DLC1: variants seen among roughly 807,000 people sequenced by gnomAD.
The protein encoded by DLC1 is rho GTPase-activating protein 7.
Under a neutral mutation model 140.3 loss-of-function variants are expected in DLC1, and 54 were observed. The ratio of observed to expected loss-of-function variants is 0.38; its 90% CI spans 0.31 to 0.48. DLC1 has a LOEUF of 0.48. Among genes scored for constraint, DLC1 ranks in the 20% least tolerant of loss-of-function variants. The pLI, the probability that DLC1 is intolerant of heterozygous loss-of-function variation, is 0.96. For synonymous variants in DLC1, 986 were observed against 728.1 expected (o/e 1.35, Z -5.70); for missense variants, 2,536 against 1,907.0 (o/e 1.33, Z -6.14).
At chr8:13,475,263 A>C (rs1359766581) in intron 2 of DLC1, among the ~76,000 whole-genome samples, 3 of 152,248 alleles carry the variant, frequency 2.0e-5, no homozygotes, top group African/African-American at 7.2e-5. Flanking sequence ...CCTTTAAAAA[A>C]AGGTGTTCCC....
intron 5 of DLC1, among the ~76,000 whole-genome samples, chr8:13,283,318 A>T (rs1436156840): frequency 6.6e-6 from 1 of 151,782 alleles, no homozygotes; most frequent in Non-Finnish European, 1.5e-5. Flanking sequence ...ACACACACAC[A>T]CACACACAGA....
chr8:13,471,767 A>C (rs1346524037), intron 2 of DLC1, among the ~76,000 whole-genome samples: 1 of 152,144 alleles, frequency 6.6e-6, no homozygotes, highest in Non-Finnish European at 1.5e-5. Context: ...AGAAAAAAAG[A>C]AAAGCAGCCT....
rs116051890 is a variant in DLC1 at position 13,252,389 on chromosome 8, C to T, written c.1348+52880G>A. On this transcript the variant is annotated intron_variant, in intron 5 of 17. Transcript: ENST00000276297. ...AGAAAGACCTCCAAACCCTGCTGCACGAGAGGGAAGGTCTAAGAACTCTTG... is the reference window on the plus strand; with the variant it reads ...AGAAAGACCTCCAAACCCTGCTGCATGAGAGGGAAGGTCTAAGAACTCTTG... Among the ~76,000 whole-genome samples, 1,138 of 152,228 alleles carry T rather than the reference C, an allele frequency of 7.5e-3. 10 individuals carry two copies. The highest frequency in any genetic ancestry group is 0.023 in the African/African-American group (946 of 41,534).
intron 1 of DLC1, among the ~76,000 whole-genome samples, chr8:13,539,343 G>C (rs1349432710): frequency 6.6e-6 from 1 of 152,044 alleles, no homozygotes; most frequent in Non-Finnish European, 1.5e-5. Context: ...GGGACTACAG[G>C]TGCACGCCAC....
At chr8:13,446,133 C>T (rs190207439) in intron 2 of DLC1, among the ~76,000 whole-genome samples, 21 of 152,152 alleles carry the variant, frequency 1.4e-4, no homozygotes, top group South Asian at 8.3e-4. Flanking sequence ...AACTCTCCCC[C>T]CCTCTGTGTT....
chr8:13,507,974 C>G (rs1039032623), intron 1 of DLC1, among the ~76,000 whole-genome samples: 3 of 152,108 alleles, frequency 2.0e-5, no homozygotes, highest in African/African-American at 4.8e-5. Context: ...AGTTTTTACT[C>G]AACTTAAAAC....
intron 1 of DLC1, among the ~76,000 whole-genome samples, chr8:13,604,097 T>A (rs944142669): frequency 1.3e-5 from 2 of 152,142 alleles, no homozygotes; most frequent in East Asian, 3.9e-4. Flanking sequence ...TGTTATGATA[T>A]GCTGAAATTA....
At chr8:13,208,193 C>G (rs769791336) in intron 5 of DLC1, among the ~76,000 whole-genome samples, 2 of 152,092 alleles carry the variant, frequency 1.3e-5, no homozygotes, top group Admixed American at 6.6e-5. Context: ...AGGTACTAAA[C>G]TGTTTAAAAC....
At chr8:13,276,683 C>G (rs1416421043) in intron 5 of DLC1, 1 of 975,514 alleles carries the variant, frequency 1.0e-6, no homozygotes, top group Non-Finnish European at 1.3e-6. Context: ...CCTGTGCAAC[C>G]CAATGACTCA....
At chr8:13,207,571 T>G (rs1827730880) in intron 5 of DLC1, among the ~76,000 whole-genome samples, 3 of 152,156 alleles carry the variant, frequency 2.0e-5, no homozygotes, top group Admixed American at 1.3e-4. Flanking sequence ...TTGGCCCTAT[T>G]AAAAAAGAAA....
In DLC1 at chr8:13,100,444, T is replaced by A. The variant is rs945163700; in HGVS notation, c.1893A>T (p.Ala631=). ...VISVCSSSNL[A]GNDDSFGSLP... is the part of the protein sequence containing the mutation. ...GGCTGCCGAAAGAGTCGTCATTGCCTGCCAAGTTGCTGGAGGAGCAAACGC... is the reference window on the plus strand; with the variant it reads ...GGCTGCCGAAAGAGTCGTCATTGCCAGCCAAGTTGCTGGAGGAGCAAACGC... Residue 631 remains alanine (A), a synonymous_variant, in exon 9 of 18, where the codon GCA becomes GCT. Transcript: ENST00000276297. 1.2e-6 allele frequency: 2 copies of A among 1,613,924 alleles called. No individual in the cohort carries two copies. Among genetic ancestry groups the A allele is most frequent in the Non-Finnish European group, 1.7e-6 (2 of 1,180,032 alleles).
intron 5 of DLC1, among the ~76,000 whole-genome samples, chr8:13,118,840 G>T (rs908756750): frequency 2.6e-5 from 4 of 152,082 alleles, no homozygotes; most frequent in Non-Finnish European, 5.9e-5. Context: ...TCTCTTAAGA[G>T]AATCTGTCCA....
At chr8:13,421,245 A>G (rs1179424233) in intron 2 of DLC1, among the ~76,000 whole-genome samples, 1 of 152,106 alleles carries the variant, frequency 6.6e-6, no homozygotes, top group Non-Finnish European at 1.5e-5. Flanking sequence ...TATATTATTA[A>G]GCTTTTCTGC....
chr8:13,095,211 G>A lies in DLC1; in HGVS notation c.3202C>T (p.Pro1068Ser). ...AACACACTCCGGTCCTTGTAGTCTGGAACCTTGATCCTCTTCATGAACTTG... is the reference window on the plus strand; with the variant it reads ...AACACACTCCGGTCCTTGTAGTCTGAAACCTTGATCCTCTTCATGAACTTG... ...VPKFMKRIKV[P>S]DYKDRSVFGV... Residue 1068 changes from proline (P) to serine (S), a missense_variant, in exon 11 of 18, where the codon CCA becomes TCA. Coordinates refer to ENST00000276297, the MANE Select transcript of DLC1 (RefSeq NM_182643.3). The A allele has an allele frequency of 1.9e-6, 3 of 1,614,206 alleles. No homozygotes were observed. The highest frequency in any genetic ancestry group is 1.7e-6 in the Non-Finnish European group (2 of 1,180,034).
intron 5 of DLC1, among the ~76,000 whole-genome samples, chr8:13,208,389 AT>A (rs1827774317): frequency 6.6e-6 from 1 of 152,154 alleles, no homozygotes; most frequent in Non-Finnish European, 1.5e-5. Context: ...CCTTGCCTCT[AT>A]TTTGGCCAGT....
chr8:13,251,998 C>A (rs1830028187), intron 5 of DLC1, among the ~76,000 whole-genome samples: 1 of 152,082 alleles, frequency 6.6e-6, no homozygotes, highest in Admixed American at 6.6e-5. Context: ...TAGTGATATT[C>A]TTTTAGACAG....
intron 1 of DLC1, among the ~76,000 whole-genome samples, chr8:13,536,445 T>A (rs750476877): frequency 6.6e-6 from 1 of 152,206 alleles, no homozygotes; most frequent in Non-Finnish European, 1.5e-5. Context: ...AAGTGGTTAC[T>A]ATGCAGGAGG....
intron 5 of DLC1, among the ~76,000 whole-genome samples, chr8:13,232,832 T>C (rs1315223944): frequency 6.6e-6 from 1 of 152,224 alleles, no homozygotes; most frequent in East Asian, 1.9e-4. Flanking sequence ...TTCTTAGAAA[T>C]AGTTATTTTT....
rs149199139 is a variant in DLC1, at chr8:13,171,674, C to A, written c.1349-56017G>T. 9.1e-3 allele frequency among the ~76,000 whole-genome samples: 1,386 copies of A among 152,314 alleles called. 25 individuals are homozygous for A. Among genetic ancestry groups the A allele is most frequent in the African/African-American group, 0.031 (1,295 of 41,572 alleles). Reference sequence around the variant, plus strand: ...AAGTGCTGGGATTACAGGTGTGAACCACCACGGCCGGCCCACACTTCCTTT... The same window carrying A: ...AAGTGCTGGGATTACAGGTGTGAACAACCACGGCCGGCCCACACTTCCTTT... On this transcript the variant is annotated intron_variant, in intron 5 of 17. Transcript: ENST00000276297.
Sources: gnomAD v4.1 joint callset for allele counts (sites outside exome capture counted in the v4.1 genomes callset) on GRCh38, gnomAD v4.1.1 for gene constraint, MANE v1.5 for transcripts, NCBI Gene and HGNC (gene_info 2026-07-23, HGNC 2026-07-21) for gene names.